MAP2K6: variants seen among roughly 807,000 people sequenced by gnomAD.
MAP2K6 encodes mitogen-activated protein kinase kinase 6.
MAP2K6 carries 16 observed loss-of-function variants against 53.7 expected under a neutral mutation model. The observed-to-expected ratio is 0.30, with a 90% CI of 0.20 to 0.45. MAP2K6 has a LOEUF of 0.45. MAP2K6 is among the 20% of genes least tolerant of loss of function. The pLI is 1.00. For missense variants in MAP2K6, 204 were observed against 411.9 expected, an observed-to-expected ratio of 0.50 and a Z score of 4.37; for synonymous variants, 132 against 143.1, an observed-to-expected ratio of 0.92 and a Z score of 0.55.
chr17:69,525,879 A>G (rs1323213676), intron 9 of MAP2K6, among the ~76,000 whole-genome samples: 1 of 152,236 alleles, frequency 6.6e-6, no homozygotes, highest in South Asian at 2.1e-4. Flanking sequence ...TTCCTTAGAC[A>G]CAGCCCTAAA....
chr17:69,450,178 C>G (rs1907171602), intron 1 of MAP2K6, among the ~76,000 whole-genome samples: 2 of 150,720 alleles, frequency 1.3e-5, no homozygotes, highest in African/African-American at 4.9e-5. Flanking sequence ...GTCTTGAACT[C>G]CTGACCTCAG....
At chr17:69,496,464 G>A (rs182211191) in intron 1 of MAP2K6, among the ~76,000 whole-genome samples, 1 of 152,198 alleles carries the variant, frequency 6.6e-6, no homozygotes, top group Admixed American at 6.5e-5. Flanking sequence ...TAGAGATGGG[G>A]TTCCAGCGAT....
At chr17:69,425,350 TCAC>T (rs1906235325) in intron 1 of MAP2K6, among the ~76,000 whole-genome samples, 4 of 152,034 alleles carry the variant, frequency 2.6e-5, no homozygotes, top group Admixed American at 2.6e-4. Context: ...TATAGCTCTG[TCAC>T]CCAGGCTGGA....
intron 1 of MAP2K6, among the ~76,000 whole-genome samples, chr17:69,500,073 T>G (rs1909091764): frequency 6.6e-6 from 1 of 152,088 alleles, no homozygotes; most frequent in Non-Finnish European, 1.5e-5. Flanking sequence ...GAAGGAACAG[T>G]ATGAGCAAAG....
chr17:69,519,216 T>C, intron 4 of MAP2K6, 97 bp from the exon 5 acceptor site: 2 of 1,386,734 alleles, frequency 1.4e-6, no homozygotes, highest in Non-Finnish European at 2.0e-6. Flanking sequence ...CGCCAGAACT[T>C]GTGTCATGAA....
chr17:69,526,648 C>T lies in MAP2K6; in HGVS notation c.820C>T (p.Pro274Ser), dbSNP rs772746071. The T allele has an allele frequency of 2.5e-6, 4 of 1,614,044 alleles. No homozygotes were observed. The highest frequency in any genetic ancestry group is 1.3e-5 in the African/African-American group (1 of 75,022). The change falls in exon 10 of 12, where the codon CCA becomes TCA. Residue 274 changes from proline to serine, a missense_variant. This residue lies in a region of MAP2K6 where 28 missense variants were observed against 102.5 expected (regional missense o/e 0.27). Coordinates refer to ENST00000590474, the MANE Select transcript of MAP2K6 (RefSeq NM_002758.4). ...GCAGCTCAAACAGGTGGTAGAGGAG[C>T]CATCGCCACAACTCCCAGCAGACAA... The part of the protein sequence containing the change: ...FQQLKQVVEE[P>S]SPQLPADKFS...
chr17:69,510,809 T>C (rs1909771834), intron 2 of MAP2K6, among the ~76,000 whole-genome samples: 1 of 151,482 alleles, frequency 6.6e-6, no homozygotes, highest in African/African-American at 2.4e-5. Context: ...TCCTTTTTTT[T>C]TTTCCCTGAT....
intron 1 of MAP2K6, among the ~76,000 whole-genome samples, chr17:69,424,132 C>A (rs1906185712): frequency 6.6e-6 from 1 of 152,186 alleles, no homozygotes; most frequent in South Asian, 2.1e-4. Context: ...AACCCCCTAA[C>A]CCCGGGTGGG....
intron 1 of MAP2K6, among the ~76,000 whole-genome samples, chr17:69,501,271 A>G (rs924311268): frequency 1.3e-5 from 2 of 152,218 alleles, no homozygotes; most frequent in African/African-American, 4.8e-5. Context: ...AGGCATCAGC[A>G]TATCTTCACG....
chr17:69,505,094 C>A (rs1375278247), intron 1 of MAP2K6, among the ~76,000 whole-genome samples: 1 of 150,554 alleles, frequency 6.6e-6, no homozygotes. Flanking sequence ...AAAAAAAAAG[C>A]TATAACCAAG....
At chr17:69,508,819 T>C (rs1402076340) in intron 2 of MAP2K6, among the ~76,000 whole-genome samples, 1 of 152,260 alleles carries the variant, frequency 6.6e-6, no homozygotes, top group Non-Finnish European at 1.5e-5. Context: ...AGCTTTATTT[T>C]TTTGGCCAGT....
intron 1 of MAP2K6, among the ~76,000 whole-genome samples, chr17:69,492,375 C>T (rs1257532409): frequency 6.6e-6 from 1 of 152,182 alleles, no homozygotes; most frequent in Non-Finnish European, 1.5e-5. Context: ...ATATAGCTAG[C>T]TAGTTATTCC....
intron 1 of MAP2K6, among the ~76,000 whole-genome samples, chr17:69,444,997 A>G (rs1906929009): frequency 6.6e-6 from 1 of 152,114 alleles, no homozygotes; most frequent in East Asian, 1.9e-4. Context: ...TTTGGCTCAC[A>G]GCAACCTCTG....
intron 1 of MAP2K6, 46 bp downstream of exon 1, chr17:69,415,046 A>C (rs376609618): frequency 1.1e-5 from 17 of 1,512,480 alleles, no homozygotes; most frequent in Non-Finnish European, 1.6e-5. Context: ...AGGGTTGTGC[A>C]TGCATTTATG....
chr17:69,456,377 T>C (rs974811032), intron 1 of MAP2K6, among the ~76,000 whole-genome samples: 6 of 152,172 alleles, frequency 3.9e-5, no homozygotes, highest in South Asian at 2.1e-4. Context: ...CTGGGGTTTG[T>C]ATTGAGTCTT....
chr17:69,437,778 T>C (rs185445073), intron 1 of MAP2K6, among the ~76,000 whole-genome samples: 8 of 152,380 alleles, frequency 5.3e-5, no homozygotes, highest in African/African-American at 1.9e-4. Flanking sequence ...TAATCTACTT[T>C]CTGCCTCTTT....
At chr17:69,540,833 G>A (rs1017838467) in intron 11 of MAP2K6, among the ~76,000 whole-genome samples, 1 of 152,152 alleles carries the variant, frequency 6.6e-6, no homozygotes, top group Admixed American at 6.5e-5. Context: ...AATAAAGCTC[G>A]TGGCTTGGCA....
rs760132064 is a variant in MAP2K6 at position 69,530,884 on chromosome 17, G to A, written c.881+4175G>A. Among the ~76,000 whole-genome samples, 9 of 152,266 alleles carry A rather than the reference G, an allele frequency of 5.9e-5. No homozygotes were observed. In the South Asian group the frequency reaches 6.2e-4, roughly 11 times the overall value. ...CTTGTTTGATTACTGAAAGCTTGAG[G>A]TTTGATCTGGAGCTTGGTGGAAAGA... On this transcript the variant is annotated intron_variant, in intron 10 of 11. Coordinates refer to ENST00000590474, the MANE Select transcript of MAP2K6 (RefSeq NM_002758.4).
At chr17:69,459,950 C>T (rs902354889) in intron 1 of MAP2K6, among the ~76,000 whole-genome samples, 2 of 148,614 alleles carry the variant, frequency 1.3e-5, no homozygotes, top group Admixed American at 6.8e-5. Flanking sequence ...TTCTTCCTTC[C>T]TTCCTTTCCT....
Sources: allele counts gnomAD v4.1 joint callset (sites outside exome capture counted in the v4.1 genomes callset), GRCh38; gene constraint gnomAD v4.1.1; regional missense constraint gnomAD v4.1.1; transcripts MANE v1.5; gene names NCBI Gene and HGNC (gene_info 2026-07-23, HGNC 2026-07-21).